Variants in PRLR observed in about 807,000 individuals in gnomAD.
PRLR encodes the protein prolactin receptor.
Under a neutral mutation model 40.2 loss-of-function variants are expected in PRLR, and 13 were observed. The observed-to-expected ratio is 0.32, with a 90% confidence interval of 0.21 to 0.51. The LOEUF is 0.51. Among genes scored for constraint, PRLR ranks in the 20% least tolerant of loss-of-function variants. The pLI is 0.97. For synonymous variants in PRLR, 269 were observed against 278.7 expected, an observed-to-expected ratio of 0.97 and a Z score of 0.35; for missense variants, 656 against 747.3, an observed-to-expected ratio of 0.88 and a Z score of 1.42.
intron 1 of PRLR, among the ~76,000 whole-genome samples, chr5:35,191,349 C>T (rs1464045782): frequency 2.3e-5 from 2 of 87,624 alleles, no homozygotes; most frequent in African/African-American, 4.0e-5. Flanking sequence ...GGATTACAGG[C>T]GTGAGCCACC....
chr5:35,137,791 G>A (rs549134037), intron 1 of PRLR, among the ~76,000 whole-genome samples: 22 of 152,182 alleles, frequency 1.4e-4, no homozygotes, highest in African/African-American at 5.1e-4. Flanking sequence ...AAATATTAAC[G>A]TGTTAAAATA....
At chr5:35,221,843 C>T in intron 1 of PRLR, among the ~76,000 whole-genome samples, 1 of 152,176 alleles carries the variant, frequency 6.6e-6, no homozygotes, top group East Asian at 1.9e-4. Context: ...AAAACCCAAC[C>T]ATTTGGGAAT....
At chr5:35,173,405 T>G (rs1192958371) in intron 1 of PRLR, among the ~76,000 whole-genome samples, 2 of 152,222 alleles carry the variant, frequency 1.3e-5, no homozygotes, top group Non-Finnish European at 2.9e-5. Context: ...AGCCTTGATC[T>G]TGTTCCCTGG....
chr5:35,208,275 T>C (rs1294913884), intron 1 of PRLR, among the ~76,000 whole-genome samples: 5 of 152,054 alleles, frequency 3.3e-5, no homozygotes, highest in Admixed American at 3.3e-4. Flanking sequence ...TACTGTTTCC[T>C]CTCTCTAAAT....
chr5:35,066,761 CTTTTTTTTT>C (rs70973025), intron 9 of PRLR, among the ~76,000 whole-genome samples: 4 of 116,598 alleles, frequency 3.4e-5, no homozygotes, highest in African/African-American at 1.5e-4. Context: ...ACTCTTGCCT[CTTTTTTTTT>C]TTTTTTTTTT....
downstream of PRLR, chr5:35,055,557 G>A (rs1449131194): frequency 1.3e-5 from 2 of 151,516 alleles, no homozygotes; most frequent in African/African-American, 2.4e-5. Context: ...CTTTATTTCC[G>A]GAGTTAAAAT....
intron 1 of PRLR, among the ~76,000 whole-genome samples, chr5:35,125,674 A>G (rs1773433633): frequency 6.6e-6 from 1 of 152,218 alleles, no homozygotes; most frequent in Admixed American, 6.5e-5. Context: ...AAAGTGGAAA[A>G]TTGCTATGTT....
At chr5:35,094,296 G>A (rs1251164698) in intron 2 of PRLR, among the ~76,000 whole-genome samples, 3 of 152,202 alleles carry the variant, frequency 2.0e-5, no homozygotes, top group African/African-American at 7.2e-5. Flanking sequence ...TTGAGTGTGT[G>A]TGTGTGTGGC....
At chr5:35,204,627 G>GA (rs1431288037) in intron 1 of PRLR, among the ~76,000 whole-genome samples, 2 of 152,040 alleles carry the variant, frequency 1.3e-5, no homozygotes, top group African/African-American at 4.8e-5. Context: ...CTAAGAAATA[G>GA]AAAAAATACA....
chr5:35,177,535 A>G (rs1354313620), intron 1 of PRLR, among the ~76,000 whole-genome samples: 1 of 152,154 alleles, frequency 6.6e-6, no homozygotes, highest in Non-Finnish European at 1.5e-5. Context: ...CCTATTCTGG[A>G]CATATCATAC....
chr5:35,202,810 T>C (rs1244396873), intron 1 of PRLR, among the ~76,000 whole-genome samples: 1 of 152,236 alleles, frequency 6.6e-6, no homozygotes, highest in Admixed American at 6.5e-5. Flanking sequence ...AGTAATATAA[T>C]GACTCACTAA....
intron 1 of PRLR, among the ~76,000 whole-genome samples, chr5:35,220,512 T>C (rs138099140): frequency 6.6e-6 from 1 of 152,354 alleles, no homozygotes; most frequent in Non-Finnish European, 1.5e-5. Flanking sequence ...TTCAGTTCAT[T>C]GCATTTTTTT....
chr5:35,132,025 G>GT (rs1773700317), intron 1 of PRLR, among the ~76,000 whole-genome samples: 1 of 152,178 alleles, frequency 6.6e-6, no homozygotes, highest in Admixed American at 6.5e-5. Flanking sequence ...GGAAGGAGGA[G>GT]TAGAGGGAGG....
intron 1 of PRLR, among the ~76,000 whole-genome samples, chr5:35,209,921 C>G (rs938203148): frequency 6.6e-6 from 1 of 152,158 alleles, no homozygotes; most frequent in Non-Finnish European, 1.5e-5. Context: ...CTGAGTGGTT[C>G]TTTTAAAAAC....
At chr5:35,118,564 C>T (rs1773154370) in intron 1 of PRLR, among the ~76,000 whole-genome samples, 1 of 152,130 alleles carries the variant, frequency 6.6e-6, no homozygotes, top group African/African-American at 2.4e-5. Context: ...AACATCGACA[C>T]AGTATTATTA....
intron 1 of PRLR, among the ~76,000 whole-genome samples, chr5:35,153,807 G>T (rs1430334097): frequency 6.8e-6 from 1 of 146,558 alleles, no homozygotes; most frequent in Non-Finnish European, 1.5e-5. Context: ...GCTACAGGAA[G>T]TCAGCTGCTT....
chr5:35,141,246 AAC>A (rs1579723813), intron 1 of PRLR, among the ~76,000 whole-genome samples: 2 of 152,156 alleles, frequency 1.3e-5, no homozygotes, highest in East Asian at 1.9e-4. Context: ...GAAAAAAAAA[AAC>A]AAACCCCTAA....
rs148500479 is a variant in PRLR at position 35,225,142 on chromosome 5, G to A, written c.-106+5126C>T. 4.9e-3 allele frequency among the ~76,000 whole-genome samples: 747 copies of A among 152,292 alleles called. 3 individuals are homozygous for A. Among genetic ancestry groups the A allele is most frequent in the African/African-American group, 0.017 (705 of 41,564 alleles). ...CCAAAACTACAAAGACAATGTACTAGGAAGTGATTTAAAGGTAAAACTTTA... is the reference window on the plus strand; with the variant it reads ...CCAAAACTACAAAGACAATGTACTAAGAAGTGATTTAAAGGTAAAACTTTA... On this transcript the variant is annotated intron_variant, in intron 1 of 9. Transcript: ENST00000618457.
chr5:35,173,595 AGGCCTCT>A (rs1775060595), intron 1 of PRLR, among the ~76,000 whole-genome samples: 1 of 152,186 alleles, frequency 6.6e-6, no homozygotes, highest in African/African-American at 2.4e-5. Flanking sequence ...CCCTCCTCCA[AGGCCTCT>A]GGCAAGAGTG....
Sources: gnomAD v4.1 joint callset for allele counts (sites outside exome capture counted in the v4.1 genomes callset) on GRCh38, gnomAD v4.1.1 for gene constraint, MANE v1.5 for transcripts, NCBI Gene and HGNC (gene_info 2026-07-23, HGNC 2026-07-21) for gene names.